Variants in TMEM132C observed in about 807,000 individuals in gnomAD.
TMEM132C encodes the protein protein phosphatase 1, regulatory subunit 152.
In TMEM132C, 29 loss-of-function variants were observed where a neutral mutation model predicts 61.4. The ratio of observed to expected loss-of-function variants is 0.47; its 90% confidence interval spans 0.35 to 0.64. The LOEUF (loss-of-function observed/expected upper bound fraction) is 0.64. TMEM132C is among the 30% of genes least tolerant of loss of function. The pLI is 0.00. For synonymous variants in TMEM132C, 656 were observed against 633.1 expected, an observed-to-expected ratio of 1.04 and a Z score of -0.54; for missense variants, 1,408 against 1,476.9, an observed-to-expected ratio of 0.95 and a Z score of 0.76.
chr12:128,418,668 T>C (rs1868867254), intron 2 of TMEM132C, among the ~76,000 whole-genome samples: 1 of 152,248 alleles, frequency 6.6e-6, no homozygotes, highest in Admixed American at 6.5e-5. Context: ...TAGTACAATA[T>C]TGAGGCCAGG....
intron 2 of TMEM132C, among the ~76,000 whole-genome samples, chr12:128,470,416 T>C (rs1222472968): frequency 6.6e-6 from 1 of 152,172 alleles, no homozygotes; most frequent in African/African-American, 2.4e-5. Flanking sequence ...AGAAGAATCT[T>C]TTCATCCTTG....
intron 4 of TMEM132C, among the ~76,000 whole-genome samples, chr12:128,648,004 G>C (rs1232089183): frequency 2.0e-5 from 3 of 150,124 alleles, no homozygotes; most frequent in Non-Finnish European, 4.4e-5. Context: ...CGTTGGATGA[G>C]TGTGTTTACT....
chr12:128,528,707 C>T (rs897577859), intron 2 of TMEM132C, among the ~76,000 whole-genome samples: 1 of 152,170 alleles, frequency 6.6e-6, no homozygotes, highest in Non-Finnish European at 1.5e-5. Flanking sequence ...CACCCACGCT[C>T]TTACTCATGA....
chr12:128,640,094 C>T (rs1412808732), intron 4 of TMEM132C, among the ~76,000 whole-genome samples: 3 of 152,152 alleles, frequency 2.0e-5, no homozygotes, highest in Non-Finnish European at 4.4e-5. Context: ...TTGGATCAGG[C>T]GTGGGCTGGG....
At chr12:128,571,360 A>G (rs1874876920) in intron 3 of TMEM132C, among the ~76,000 whole-genome samples, 1 of 152,228 alleles carries the variant, frequency 6.6e-6, no homozygotes, top group African/African-American at 2.4e-5. Context: ...TCTACAAAGG[A>G]GAATGTTTTT....
At chr12:128,472,414 C>A in intron 2 of TMEM132C, among the ~76,000 whole-genome samples, 1 of 152,074 alleles carries the variant, frequency 6.6e-6, no homozygotes, top group East Asian at 1.9e-4. Context: ...GGTTAGTCAA[C>A]GGGAAATAGA....
intron 1 of TMEM132C, among the ~76,000 whole-genome samples, chr12:128,410,949 C>G (rs139614254): frequency 2.4e-4 from 36 of 152,278 alleles, no homozygotes; most frequent in African/African-American, 7.2e-4. Flanking sequence ...CAACTTTCTT[C>G]TTAATTCATG....
At chr12:128,600,076 G>A (rs1267427167) in intron 3 of TMEM132C, among the ~76,000 whole-genome samples, 4 of 152,010 alleles carry the variant, frequency 2.6e-5, no homozygotes, top group East Asian at 3.8e-4. Flanking sequence ...TCCGCCTCCC[G>A]GGTTCACGCC....
chr12:128,516,805 T>G (rs1872733553), intron 2 of TMEM132C, among the ~76,000 whole-genome samples: 1 of 151,716 alleles, frequency 6.6e-6, no homozygotes, highest in African/African-American at 2.4e-5. Flanking sequence ...TTCCAGCTAT[T>G]TGGGAGGCTG....
intron 2 of TMEM132C, among the ~76,000 whole-genome samples, chr12:128,461,460 GAA>G (rs1479604085): frequency 8.6e-6 from 1 of 116,462 alleles, no homozygotes; most frequent in African/African-American, 3.3e-5. Flanking sequence ...CAAACAAAAA[GAA>G]AACAGTCTGA....
intron 5 of TMEM132C, among the ~76,000 whole-genome samples, chr12:128,672,639 C>T (rs1954543919): frequency 6.6e-6 from 1 of 152,150 alleles, no homozygotes; most frequent in Non-Finnish European, 1.5e-5. Context: ...TGGGTGAGGA[C>T]ATCAGAGCAG....
intron 3 of TMEM132C, among the ~76,000 whole-genome samples, chr12:128,587,937 G>C (rs912458203): frequency 4.6e-5 from 7 of 152,208 alleles, no homozygotes; most frequent in Admixed American, 6.5e-5. Flanking sequence ...TTGGAGACCA[G>C]AGCTTAAGGA....
intron 1 of TMEM132C, among the ~76,000 whole-genome samples, chr12:128,373,896 T>C (rs1713590): frequency 0.11 from 17,241 of 152,182 alleles, 2,639 homozygotes; most frequent in African/African-American, 0.35. Flanking sequence ...CACTTCAGCT[T>C]AGATTCCATT....
chr12:128,621,603 G>A (rs904493527), intron 4 of TMEM132C, among the ~76,000 whole-genome samples: 1 of 152,214 alleles, frequency 6.6e-6, no homozygotes, highest in African/African-American at 2.4e-5. Flanking sequence ...GGAACTATGA[G>A]AGAATCAGTG....
At chr12:128,624,537 C>G (rs931970395) in intron 4 of TMEM132C, among the ~76,000 whole-genome samples, 1 of 130,076 alleles carries the variant, frequency 7.7e-6, no homozygotes, top group African/African-American at 3.2e-5. Flanking sequence ...GAGTGAGACT[C>G]CATCTCAAAA....
At chr12:128,693,715 G>A (rs1954736194) in intron 5 of TMEM132C, 114 bp from the exon 6 acceptor site, 1 of 1,232,572 alleles carries the variant, frequency 8.1e-7, no homozygotes, top group Non-Finnish European at 1.1e-6. Context: ...TCTGCTTTAG[G>A]AGAAACCAGA....
At chr12:128,598,082 T>A (rs559535648) in intron 3 of TMEM132C, among the ~76,000 whole-genome samples, 1 of 152,138 alleles carries the variant, frequency 6.6e-6, no homozygotes, top group Non-Finnish European at 1.5e-5. Context: ...TTTTTAAAGA[T>A]AAAATGTTGA....
chr12:128,354,870 A>G (rs1438296222), intron 1 of TMEM132C, among the ~76,000 whole-genome samples: 3 of 152,160 alleles, frequency 2.0e-5, no homozygotes, highest in African/African-American at 7.2e-5. Context: ...TTCCACAGAC[A>G]TTATCACCAG....
intron 1 of TMEM132C, among the ~76,000 whole-genome samples, chr12:128,315,477 G>A (rs903036333): frequency 2.0e-5 from 3 of 150,456 alleles, no homozygotes; most frequent in Non-Finnish European, 4.4e-5. Context: ...TTTGCTGCCA[G>A]TCCTGCCAGG....
Sources: gnomAD v4.1 joint callset for allele counts (sites outside exome capture counted in the v4.1 genomes callset) on GRCh38, gnomAD v4.1.1 for gene constraint, MANE v1.5 for transcripts, NCBI Gene and HGNC (gene_info 2026-07-23, HGNC 2026-07-21) for gene names.